BRINP3: variants seen among roughly 807,000 people sequenced by gnomAD.
The protein encoded by BRINP3 is BMP/retinoic acid inducible neural specific 3.
Under a neutral mutation model 71.0 loss-of-function variants are expected in BRINP3, and 19 were observed. The observed-to-expected ratio is 0.27, with a 90% CI of 0.19 to 0.39. The LOEUF (loss-of-function observed/expected upper bound fraction) is 0.39. BRINP3 is among the 10% of genes least tolerant of loss of function. BRINP3 has a pLI of 1.00. For missense variants in BRINP3, 959 were observed against 940.8 expected (o/e 1.02, Z -0.25); for synonymous variants, 380 against 337.7 (o/e 1.13, Z -1.37).
intron 2 of BRINP3, among the ~76,000 whole-genome samples, chr1:190,447,729 GTGT>G (rs776309957): frequency 4.6e-5 from 7 of 150,816 alleles, no homozygotes; most frequent in Non-Finnish European, 8.9e-5. Context: ...TTAAAAATTA[GTGT>G]TAAGGCTCAA....
At chr1:190,165,297 A>G (rs12082166) in intron 6 of BRINP3, among the ~76,000 whole-genome samples, 2,062 of 152,096 alleles carry the variant, frequency 0.014, 37 homozygotes, top group African/African-American at 0.047. Context: ...TTGGAAAATA[A>G]TAAGTGCTCA....
chr1:190,157,913 T>C (rs1657006299), intron 7 of BRINP3, among the ~76,000 whole-genome samples: 1 of 152,076 alleles, frequency 6.6e-6, no homozygotes, highest in East Asian at 1.9e-4. Context: ...GGTACATACA[T>C]GCCATGGAAT....
chr1:190,098,920 A>C lies in BRINP3; in HGVS notation c.1399T>G (p.Tyr467Asp). The change falls in exon 8 of 8, where the codon TAC becomes GAC. Residue 467 changes from tyrosine to aspartate, a missense_variant. Transcript: ENST00000367462. The part of the protein sequence containing the change: ...RTRCGTCNTG[Y>D]MLSQGLCKPE... ...TTGCAGAGCCCCTGGCTGAGCATGT[A>C]GCCGGTGTTGCAGGTGCCGCAGCGG... 6.2e-7 allele frequency: 1 copy of C among 1,614,174 alleles called. No individual in the cohort carries two copies. Among genetic ancestry groups the C allele is most frequent in the Non-Finnish European group, 8.5e-7 (1 of 1,180,024 alleles).
At chr1:190,450,494 G>A (rs1038604308) in intron 2 of BRINP3, among the ~76,000 whole-genome samples, 1 of 152,054 alleles carries the variant, frequency 6.6e-6, no homozygotes, top group East Asian at 1.9e-4. Flanking sequence ...TTTCTATCTG[G>A]ATTGCTACTT....
chr1:190,112,979 G>A (rs941277125), intron 7 of BRINP3, among the ~76,000 whole-genome samples: 1 of 152,038 alleles, frequency 6.6e-6, no homozygotes, highest in Non-Finnish European at 1.5e-5. Context: ...CAAACTTTCA[G>A]CTATAAAATA....
At chr1:190,189,347 T>C (rs987520268) in intron 6 of BRINP3, among the ~76,000 whole-genome samples, 4 of 152,150 alleles carry the variant, frequency 2.6e-5, no homozygotes, top group Non-Finnish European at 5.9e-5. Context: ...AGATTTTCTA[T>C]TTGTTCATTA....
chr1:190,334,781 T>C (rs1667182974), intron 2 of BRINP3, among the ~76,000 whole-genome samples: 2 of 151,700 alleles, frequency 1.3e-5, no homozygotes, highest in Admixed American at 1.3e-4. Flanking sequence ...AATAATAAGG[T>C]GAAAATGCTG....
chr1:190,237,241 C>A (rs1250294268), intron 4 of BRINP3, among the ~76,000 whole-genome samples: 1 of 151,654 alleles, frequency 6.6e-6, no homozygotes, highest in Non-Finnish European at 1.5e-5. Context: ...ATTCACTGAT[C>A]ACTGTCTGGT....
chr1:190,146,366 A>G (rs1655887603), intron 7 of BRINP3, among the ~76,000 whole-genome samples: 1 of 152,206 alleles, frequency 6.6e-6, no homozygotes, highest in Non-Finnish European at 1.5e-5. Context: ...ATACCTTTGT[A>G]GCCCACTTGA....
chr1:190,108,842 C>A (rs558498553), intron 7 of BRINP3, among the ~76,000 whole-genome samples: 1 of 151,672 alleles, frequency 6.6e-6, no homozygotes, highest in Non-Finnish European at 1.5e-5. Flanking sequence ...TCAGCAATCA[C>A]GCAAATCAAA....
chr1:190,347,217 T>G (rs1372503839), intron 2 of BRINP3, among the ~76,000 whole-genome samples: 2 of 152,112 alleles, frequency 1.3e-5, no homozygotes, highest in Non-Finnish European at 2.9e-5. Flanking sequence ...TTCGGTTCAC[T>G]ACAACCTCTG....
At chr1:190,281,329 T>C (rs1350374140) in intron 3 of BRINP3, among the ~76,000 whole-genome samples, 5 of 151,994 alleles carry the variant, frequency 3.3e-5, no homozygotes, top group African/African-American at 1.2e-4. Flanking sequence ...ATTTGTATGT[T>C]ATTAGATTGT....
At chr1:190,348,881 A>G (rs1668191451) in intron 2 of BRINP3, among the ~76,000 whole-genome samples, 1 of 152,282 alleles carries the variant, frequency 6.6e-6, no homozygotes, top group South Asian at 2.1e-4. Flanking sequence ...CCCACAGTAG[A>G]TGAAAACAGG....
intron 2 of BRINP3, among the ~76,000 whole-genome samples, chr1:190,414,079 C>T (rs968072806): frequency 6.6e-6 from 1 of 151,954 alleles, no homozygotes; most frequent in Non-Finnish European, 1.5e-5. Context: ...AGCCACCCTA[C>T]CTGGCCTGAT....
rs1308953468 is a variant in BRINP3, at chr1:190,318,309, C to A, written c.237-36559G>T. Among the ~76,000 whole-genome samples, 4 of 152,052 alleles carry A rather than the reference C, an allele frequency of 2.6e-5. No homozygotes were observed. The East Asian group carries it at 7.7e-4, about 29-fold the overall frequency. On this transcript the variant is annotated intron_variant, in intron 2 of 7. Coordinates refer to ENST00000367462, the MANE Select transcript of BRINP3 (RefSeq NM_199051.3). Reference sequence around the variant, plus strand: ...TATCTAATATTTTCAGCATTGGGGGCATGTAATGATTCTTGATTTGATTCT... The same window carrying A: ...TATCTAATATTTTCAGCATTGGGGGAATGTAATGATTCTTGATTTGATTCT...
chr1:190,172,636 T>C (rs1019113545), intron 6 of BRINP3, among the ~76,000 whole-genome samples: 8 of 152,190 alleles, frequency 5.3e-5, no homozygotes, highest in African/African-American at 1.4e-4. Flanking sequence ...CTGAAGCTGG[T>C]ACATTTCTCC....
chr1:190,441,576 T>C (rs1674822319), intron 2 of BRINP3, among the ~76,000 whole-genome samples: 1 of 152,106 alleles, frequency 6.6e-6, no homozygotes, highest in South Asian at 2.1e-4. Flanking sequence ...AAGATATTTG[T>C]CAGTGATGCA....
chr1:190,266,801 G>A (rs1558126443), intron 3 of BRINP3, among the ~76,000 whole-genome samples: 1 of 152,150 alleles, frequency 6.6e-6, no homozygotes, highest in African/African-American at 2.4e-5. Flanking sequence ...GGTGGTCTAA[G>A]TAAGTACTCA....
chr1:190,379,754 C>T (rs926336316), intron 2 of BRINP3, among the ~76,000 whole-genome samples: 1 of 151,904 alleles, frequency 6.6e-6, no homozygotes, highest in Non-Finnish European at 1.5e-5. Flanking sequence ...AATCCCAGCA[C>T]TTTGGGAGAC....
Sources: allele counts gnomAD v4.1 joint callset (sites outside exome capture counted in the v4.1 genomes callset), GRCh38; gene constraint gnomAD v4.1.1; transcripts MANE v1.5; gene names NCBI Gene and HGNC (gene_info 2026-07-23, HGNC 2026-07-21).